The following CIMIP7 variants were observed in gnomAD, a reference collection of about 807,000 sequenced individuals.
CIMIP7 encodes the protein ciliary microtubule inner protein 7.
the CIMIP7 span, among the ~76,000 whole-genome samples, chr3:49,188,998 C>G: frequency 6.8e-6 from 1 of 146,466 alleles, no homozygotes; most frequent in African/African-American, 2.5e-5. Flanking sequence ...GAGTTTTGCT[C>G]TTGTTGCCCA....
At chr3:49,186,988 T>C in the CIMIP7 span, among the ~76,000 whole-genome samples, 1 of 152,218 alleles carries the variant, frequency 6.6e-6, no homozygotes. Flanking sequence ...AAGTTTCAAT[T>C]GACCCCCAAA....
chr3:49,183,165 C>T, the CIMIP7 span, among the ~76,000 whole-genome samples: 1 of 152,144 alleles, frequency 6.6e-6, no homozygotes, highest in Non-Finnish European at 1.5e-5. Context: ...GCTGCCAGCA[C>T]GCTGTCACCT....
the CIMIP7 span, among the ~76,000 whole-genome samples, chr3:49,184,628 T>A: frequency 2.8e-5 from 3 of 108,004 alleles, no homozygotes; most frequent in Non-Finnish European, 6.2e-5. Flanking sequence ...CCTATGTAAT[T>A]TTTTTTTTTT....
At chr3:49,189,868 G>A in the CIMIP7 span, 4 of 760,240 alleles carry the variant, frequency 5.3e-6, no homozygotes, top group Non-Finnish European at 9.8e-6. Context: ...CACCCTGTCT[G>A]TAGGGGAAAG....
At chr3:49,183,117 G>A in the CIMIP7 span, among the ~76,000 whole-genome samples, 5 of 152,234 alleles carry the variant, frequency 3.3e-5, no homozygotes, top group Admixed American at 6.5e-5. Context: ...TGGGAGTCCA[G>A]GCAGAGGAGG....
chr3:49,178,122 C>G, the CIMIP7 span: 4 of 1,409,706 alleles, frequency 2.8e-6, no homozygotes, highest in South Asian at 5.6e-5. Context: ...CTCCTAACCC[C>G]AAGTCTGCTT....
chr3:49,178,071 C>A, the CIMIP7 span: 6 of 1,555,408 alleles, frequency 3.9e-6, no homozygotes, highest in Non-Finnish European at 4.3e-6. Flanking sequence ...CGGTATGGGC[C>A]CTTGGCCCAC....
At chr3:49,182,709 G>A in the CIMIP7 span, among the ~76,000 whole-genome samples, 1 of 152,194 alleles carries the variant, frequency 6.6e-6, no homozygotes, top group African/African-American at 2.4e-5. Flanking sequence ...ATGCCATGGA[G>A]CAGGGGGCGG....
the CIMIP7 span, among the ~76,000 whole-genome samples, chr3:49,182,788 C>A: frequency 6.6e-6 from 1 of 152,200 alleles, no homozygotes; most frequent in East Asian, 1.9e-4. Flanking sequence ...GCATGGCAGG[C>A]TGCAGGTCCC....
At chr3:49,177,875 G>T in the CIMIP7 span, 1 of 1,613,882 alleles carries the variant, frequency 6.2e-7, no homozygotes, top group Non-Finnish European at 8.5e-7. Context: ...TGGATGAGGT[G>T]CTGGGGGAGG....
chr3:49,178,381 C>A, the CIMIP7 span: 1 of 1,072,552 alleles, frequency 9.3e-7, no homozygotes, highest in Non-Finnish European at 1.4e-6. Context: ...TCATAAGGAG[C>A]CCTCCCTCAG....
chr3:49,190,947 G>T, the CIMIP7 span, among the ~76,000 whole-genome samples: 13 of 152,224 alleles, frequency 8.5e-5, no homozygotes, highest in African/African-American at 2.9e-4. Context: ...GATTACAGGC[G>T]TGAGCCACTG....
chr3:49,189,959 T>C, the CIMIP7 span: 1 of 1,182,294 alleles, frequency 8.5e-7, no homozygotes. Flanking sequence ...GGGATGATGC[T>C]TTTGGGTTCT....
chr3:49,179,289 T>C, the CIMIP7 span, among the ~76,000 whole-genome samples: 1 of 152,202 alleles, frequency 6.6e-6, no homozygotes, highest in East Asian at 1.9e-4. Flanking sequence ...ATTACTCTCT[T>C]GCCTGAATTA....
At chr3:49,188,779 G>A in the CIMIP7 span, among the ~76,000 whole-genome samples, 45 of 152,010 alleles carry the variant, frequency 3.0e-4, 1 homozygote, top group Admixed American at 1.0e-3. Flanking sequence ...TTGTGACTCC[G>A]ATTTATTTAT....
chr3:49,178,140 C>G, the CIMIP7 span: 1 of 1,255,094 alleles, frequency 8.0e-7, no homozygotes, highest in Non-Finnish European at 1.1e-6. Context: ...CTTGGTGATA[C>G]CTGTCCTATG....
the CIMIP7 span, chr3:49,178,491 G>A: frequency 6.2e-7 from 1 of 1,613,626 alleles, no homozygotes; most frequent in Non-Finnish European, 8.5e-7. Context: ...CTTTGTCAAA[G>A]GAAGTACGGT....
chr3:49,186,082 C>T, the CIMIP7 span, among the ~76,000 whole-genome samples: 5 of 151,204 alleles, frequency 3.3e-5, no homozygotes, highest in Non-Finnish European at 7.4e-5. Context: ...CTCACCACAA[C>T]CTCCGCCTCC....
the CIMIP7 span, chr3:49,191,846 T>G: frequency 1.7e-5 from 25 of 1,432,754 alleles, no homozygotes; most frequent in Non-Finnish European, 2.3e-5. Context: ...AGAGAATCTC[T>G]GGAGGTCAAT....
Sources: gnomAD v4.1 joint callset for allele counts (sites outside exome capture counted in the v4.1 genomes callset) on GRCh38, gnomAD v4.1.1 for gene constraint, MANE v1.5 for transcripts, NCBI Gene and HGNC (gene_info 2026-07-23, HGNC 2026-07-21) for gene names.